EXOC6: variants seen among roughly 807,000 people sequenced by gnomAD.
The protein encoded by EXOC6 is SEC15-like 1.
Under a neutral mutation model 112.5 loss-of-function variants are expected in EXOC6, and 60 were observed. The ratio of observed to expected loss-of-function variants is 0.53; its 90% CI spans 0.43 to 0.66. EXOC6 has a LOEUF of 0.66. Ranked by LOEUF, EXOC6 falls within the 30% of genes least tolerant of loss-of-function variation. The pLI is 0.00. For synonymous variants in EXOC6, 295 were observed against 308.0 expected (o/e 0.96, Z 0.44); for missense variants, 855 against 957.1 (o/e 0.89, Z 1.41).
At chr10:93,043,920 A>G (rs575587437) in intron 20 of EXOC6, among the ~76,000 whole-genome samples, 16 of 152,310 alleles carry the variant, frequency 1.1e-4, no homozygotes, top group Admixed American at 6.5e-4. Context: ...CTGCATCTTA[A>G]AGTTCATCTG....
chr10:92,970,015 T>C (rs912322920), intron 17 of EXOC6, among the ~76,000 whole-genome samples: 5 of 152,182 alleles, frequency 3.3e-5, no homozygotes, highest in Admixed American at 6.5e-5. Flanking sequence ...TTTCTATCCT[T>C]ATCTAGATTT....
intron 18 of EXOC6, chr10:92,987,637 A>T (rs1001282278): frequency 1.0e-6 from 1 of 984,888 alleles, no homozygotes; most frequent in Non-Finnish European, 1.2e-6. Context: ...TCATGCAGCC[A>T]TGTCGGTAAG....
intron 17 of EXOC6, among the ~76,000 whole-genome samples, chr10:92,973,692 A>C (rs1842385817): frequency 1.3e-5 from 2 of 152,192 alleles, no homozygotes; most frequent in Non-Finnish European, 2.9e-5. Context: ...TCAGTGAATC[A>C]GGGGTTAGAT....
At chr10:93,009,566 C>T (rs1235632482) in intron 19 of EXOC6, among the ~76,000 whole-genome samples, 2 of 152,110 alleles carry the variant, frequency 1.3e-5, no homozygotes, top group Non-Finnish European at 2.9e-5. Context: ...AGGCTGTGCA[C>T]AGGAAGTTGC....
intron 8 of EXOC6, among the ~76,000 whole-genome samples, chr10:92,926,795 A>G (rs1270680007): frequency 1.3e-5 from 2 of 152,182 alleles, no homozygotes; most frequent in Non-Finnish European, 2.9e-5. Flanking sequence ...TTGCCTCCCA[A>G]GTTGCGGGGA....
intron 14 of EXOC6, among the ~76,000 whole-genome samples, chr10:92,948,834 T>C (rs954584809): frequency 3.3e-5 from 5 of 152,216 alleles, no homozygotes; most frequent in Non-Finnish European, 7.3e-5. Context: ...AGTACACTTT[T>C]ACAAAAAGTT....
chr10:92,828,118 T>G (rs1398776957), intron 1 of EXOC6, among the ~76,000 whole-genome samples: 1 of 152,232 alleles, frequency 6.6e-6, no homozygotes, highest in Non-Finnish European at 1.5e-5. Context: ...TAACTCTGTT[T>G]GTTGATCTCT....
chr10:92,945,843 C>G (rs573680416), intron 13 of EXOC6, among the ~76,000 whole-genome samples: 1 of 152,120 alleles, frequency 6.6e-6, no homozygotes, highest in Non-Finnish European at 1.5e-5. Context: ...TGCCTTTTAA[C>G]GTTTTACTTT....
At chr10:92,900,651 C>T (rs994828213) in intron 5 of EXOC6, 7 of 149,168 alleles carry the variant, frequency 4.7e-5, no homozygotes, top group Non-Finnish European at 1.0e-4. Flanking sequence ...TTTTCCTACG[C>T]GTTTGCTGCC....
At chr10:93,057,342 A>G (rs528655960) in intron 21 of EXOC6, among the ~76,000 whole-genome samples, 1 of 152,330 alleles carries the variant, frequency 6.6e-6, no homozygotes, top group African/African-American at 2.4e-5. Context: ...TCTTTAAAAA[A>G]AAAAGTCTAT....
chr10:92,907,515 G>C (rs1239032112), intron 5 of EXOC6, among the ~76,000 whole-genome samples: 1 of 152,192 alleles, frequency 6.6e-6, no homozygotes, highest in African/African-American at 2.4e-5. Context: ...GTGCTATGAA[G>C]TAAGTTGACT....
intron 20 of EXOC6, among the ~76,000 whole-genome samples, chr10:93,053,227 C>T (rs572116986): frequency 1.3e-5 from 2 of 152,200 alleles, no homozygotes; most frequent in African/African-American, 4.8e-5. Flanking sequence ...AAAGTCATCC[C>T]AATCAAAGAC....
intron 1 of EXOC6, among the ~76,000 whole-genome samples, chr10:92,880,038 G>A (rs1848872237): frequency 6.6e-6 from 1 of 152,086 alleles, no homozygotes; most frequent in African/African-American, 2.4e-5. Flanking sequence ...TGATTAGGTC[G>A]AGTATGAGAT....
intron 6 of EXOC6, among the ~76,000 whole-genome samples, chr10:92,913,882 A>G (rs1395276068): frequency 2.0e-5 from 3 of 152,242 alleles, no homozygotes; most frequent in Non-Finnish European, 4.4e-5. Flanking sequence ...TAGATTGTCT[A>G]GGGAGAATTT....
intron 1 of EXOC6, among the ~76,000 whole-genome samples, chr10:92,851,932 G>T (rs1486604870): frequency 6.6e-6 from 1 of 152,056 alleles, no homozygotes. Flanking sequence ...GCTAAGTGTG[G>T]TGGTGTGTGC....
chr10:92,873,853 C>T (rs1047626156), intron 1 of EXOC6, among the ~76,000 whole-genome samples: 3 of 151,892 alleles, frequency 2.0e-5, no homozygotes, highest in Non-Finnish European at 2.9e-5. Context: ...GAGTTTGAGA[C>T]CAGCCTGGCC....
chr10:92,996,386 C>A (rs955168026), intron 18 of EXOC6, among the ~76,000 whole-genome samples: 1 of 151,950 alleles, frequency 6.6e-6, no homozygotes, highest in Admixed American at 6.6e-5. Context: ...TTTGGGAGGC[C>A]AAGGCGGGCG....
chr10:93,029,013 G>A (rs1845150689), intron 20 of EXOC6, among the ~76,000 whole-genome samples: 1 of 152,158 alleles, frequency 6.6e-6, no homozygotes, highest in Admixed American at 6.6e-5. Context: ...AATTGATGCA[G>A]TAAATTTCAT....
intron 1 of EXOC6, among the ~76,000 whole-genome samples, chr10:92,863,832 G>C (rs1272933264): frequency 6.6e-6 from 1 of 150,668 alleles, no homozygotes; most frequent in Non-Finnish European, 1.5e-5. Context: ...GGAGAATGGC[G>C]TGAACCCGGG....
Sources: allele counts gnomAD v4.1 joint callset (sites outside exome capture counted in the v4.1 genomes callset), GRCh38; gene constraint gnomAD v4.1.1; transcripts MANE v1.5; gene names NCBI Gene and HGNC (gene_info 2026-07-23, HGNC 2026-07-21).